The following BBS9 variants were observed in gnomAD, a reference collection of about 807,000 sequenced individuals.
BBS9 encodes the protein protein PTHB1.
A neutral mutation model predicts 117.7 loss-of-function variants in BBS9; 89 were observed. The ratio of observed to expected loss-of-function variants is 0.76; its 90% CI spans 0.64 to 0.90. BBS9 has a LOEUF of 0.90. Ranked by LOEUF, BBS9 falls within the 40% of genes least tolerant of loss-of-function variation. The probability of loss-of-function intolerance (pLI) is 0.00; values close to 1 mark genes in which losing one functional copy is unlikely to be tolerated. For synonymous variants in BBS9, 379 were observed against 370.9 expected (o/e 1.02, Z -0.25); for missense variants, 982 against 1,042.2 (o/e 0.94, Z 0.80).
chr7:33,539,852 C>A (rs1453444286), intron 21 of BBS9, among the ~76,000 whole-genome samples: 1 of 152,242 alleles, frequency 6.6e-6, no homozygotes, highest in East Asian at 1.9e-4. Flanking sequence ...TAGTTTTCCT[C>A]TGCAGCCAAT....
intron 5 of BBS9, among the ~76,000 whole-genome samples, chr7:33,209,866 CTGTTT>C (rs1787679990): frequency 6.6e-6 from 1 of 152,046 alleles, no homozygotes; most frequent in South Asian, 2.1e-4. Context: ...ATCCTTTCTA[CTGTTT>C]TGTTAATTTC....
At chr7:33,324,359 C>G (rs1489015972) in intron 9 of BBS9, among the ~76,000 whole-genome samples, 1 of 152,130 alleles carries the variant, frequency 6.6e-6, no homozygotes, top group Non-Finnish European at 1.5e-5. Flanking sequence ...AATAAAAACT[C>G]TACAGTTAAC....
intron 21 of BBS9, among the ~76,000 whole-genome samples, chr7:33,593,361 C>A (rs1383644998): frequency 6.6e-6 from 1 of 152,072 alleles, no homozygotes; most frequent in Non-Finnish European, 1.5e-5. Flanking sequence ...TGTGTAAAAA[C>A]CCTGTGATTG....
intron 5 of BBS9, among the ~76,000 whole-genome samples, chr7:33,211,826 T>C (rs963867757): frequency 6.6e-6 from 1 of 152,218 alleles, no homozygotes; most frequent in African/African-American, 2.4e-5. Flanking sequence ...GCTTAAAGGA[T>C]ATTTTTGCCA....
At chr7:33,519,496 G>A (rs1221923914) in intron 20 of BBS9, among the ~76,000 whole-genome samples, 6 of 152,184 alleles carry the variant, frequency 3.9e-5, no homozygotes. Flanking sequence ...CATAATGTCA[G>A]TTACAGTAGT....
At chr7:33,462,778 C>G (rs1180714252) in intron 19 of BBS9, among the ~76,000 whole-genome samples, 3 of 151,868 alleles carry the variant, frequency 2.0e-5, no homozygotes. Context: ...TTCAGGTTAC[C>G]CAGGAAGGGC....
At chr7:33,257,443 A>G (rs1405094062) in intron 6 of BBS9, 33 bp downstream of exon 6, 8 of 1,605,660 alleles carry the variant, frequency 5.0e-6, no homozygotes, top group Non-Finnish European at 6.8e-6. Flanking sequence ...CAGAATCATG[A>G]TTTTTTGGTG....
intron 21 of BBS9, among the ~76,000 whole-genome samples, chr7:33,625,132 T>G (rs1865578974): frequency 6.6e-6 from 1 of 152,192 alleles, no homozygotes; most frequent in African/African-American, 2.4e-5. Context: ...GTTTTGTCAT[T>G]TTTTTGTTTG....
intron 21 of BBS9, among the ~76,000 whole-genome samples, chr7:33,552,614 G>A (rs908872744): frequency 6.6e-6 from 1 of 152,114 alleles, no homozygotes; most frequent in Non-Finnish European, 1.5e-5. Context: ...GGGCCCTTCT[G>A]TGCTAATCTG....
intron 18 of BBS9, 63 bp downstream of exon 18, chr7:33,383,901 T>C: frequency 6.6e-7 from 1 of 1,526,406 alleles, no homozygotes; most frequent in African/African-American, 1.4e-5. Context: ...AAATAGATGC[T>C]ATAGAAGGAT....
intron 19 of BBS9, among the ~76,000 whole-genome samples, chr7:33,439,543 T>TG (rs1835826222): frequency 6.6e-6 from 1 of 150,928 alleles, no homozygotes; most frequent in East Asian, 2.0e-4. Context: ...CTTTTTTTTT[T>TG]TTTTGGGATG....
At chr7:33,269,099 TAC>T (rs1412330264) in intron 7 of BBS9, among the ~76,000 whole-genome samples, 3 of 152,238 alleles carry the variant, frequency 2.0e-5, no homozygotes, top group Non-Finnish European at 4.4e-5. Flanking sequence ...ATTGATCTTA[TAC>T]ATATACTGGC....
chr7:33,471,183 C>T (rs1355352231), intron 19 of BBS9, among the ~76,000 whole-genome samples: 1 of 152,122 alleles, frequency 6.6e-6, no homozygotes, highest in Non-Finnish European at 1.5e-5. Context: ...CTGTTTCATC[C>T]TCCTTTTACT....
intron 21 of BBS9, among the ~76,000 whole-genome samples, chr7:33,623,296 A>G (rs571930717): frequency 3.8e-4 from 58 of 152,262 alleles, no homozygotes; most frequent in African/African-American, 1.3e-3. Context: ...AAAAAACCTA[A>G]TCTCATTAGT....
intron 5 of BBS9, among the ~76,000 whole-genome samples, chr7:33,196,452 A>G (rs1009198188): frequency 6.6e-6 from 1 of 152,200 alleles, no homozygotes. Flanking sequence ...GAACAGCCAG[A>G]ACACAGCCTT....
chr7:33,200,959 T>A (rs751311136), intron 5 of BBS9, among the ~76,000 whole-genome samples: 2 of 152,204 alleles, frequency 1.3e-5, no homozygotes, highest in African/African-American at 4.8e-5. Context: ...AAGCTGTATG[T>A]CCCTGGAGAC....
At chr7:33,370,138 G>A (rs531090657) in intron 17 of BBS9, among the ~76,000 whole-genome samples, 2 of 151,856 alleles carry the variant, frequency 1.3e-5, no homozygotes, top group East Asian at 1.9e-4. Context: ...ATTCCCTGGG[G>A]AACTGAGTAG....
intron 19 of BBS9, among the ~76,000 whole-genome samples, chr7:33,445,530 G>A (rs976442114): frequency 9.9e-5 from 15 of 152,196 alleles, no homozygotes; most frequent in African/African-American, 3.6e-4. Flanking sequence ...TGACCAGATT[G>A]AGAAATTGAG....
intron 17 of BBS9, among the ~76,000 whole-genome samples, chr7:33,375,243 C>G (rs961009101): frequency 6.6e-6 from 1 of 152,088 alleles, no homozygotes; most frequent in Non-Finnish European, 1.5e-5. Flanking sequence ...CACTGAGCTA[C>G]TATTGCAAGA....
Sources: allele counts gnomAD v4.1 joint callset (sites outside exome capture counted in the v4.1 genomes callset), GRCh38; gene constraint gnomAD v4.1.1; transcripts MANE v1.5; gene names NCBI Gene and HGNC (gene_info 2026-07-23, HGNC 2026-07-21).